The following NFATC2 variants were observed in gnomAD, a reference collection of about 807,000 sequenced individuals.
The protein encoded by NFATC2 is nuclear factor of activated T-cells, cytoplasmic 2.
In NFATC2, 22 loss-of-function variants were observed where a neutral mutation model predicts 87.3. The ratio of observed to expected loss-of-function variants is 0.25; its 90% CI spans 0.18 to 0.36. The LOEUF is 0.36. Among genes scored for constraint, NFATC2 ranks in the 10% least tolerant of loss-of-function variants. NFATC2 has a pLI of 1.00. For missense variants in NFATC2, 1,149 were observed against 1,259.1 expected (o/e 0.91, Z 1.32); for synonymous variants, 565 against 542.2 (o/e 1.04, Z -0.58).
intron 6 of NFATC2, among the ~76,000 whole-genome samples, chr20:51,440,590 T>A (rs1036897648): frequency 2.6e-5 from 4 of 152,186 alleles, no homozygotes; most frequent in African/African-American, 9.7e-5. Context: ...CTCAGAGGAA[T>A]AAGAAATCAA....
At chr20:51,483,745 T>A (rs370009343) in intron 3 of NFATC2, among the ~76,000 whole-genome samples, 6 of 151,902 alleles carry the variant, frequency 3.9e-5, no homozygotes, top group East Asian at 1.9e-4. Flanking sequence ...TCTTGGTAAC[T>A]CTCTCTGCCT....
chr20:51,409,021 A>G (rs1428435832), intron 9 of NFATC2, among the ~76,000 whole-genome samples: 2 of 152,238 alleles, frequency 1.3e-5, no homozygotes, highest in African/African-American at 4.8e-5. Flanking sequence ...TTTTCTGTTC[A>G]CCGAAAGACA....
intron 9 of NFATC2, among the ~76,000 whole-genome samples, chr20:51,402,171 T>C (rs942906969): frequency 9.2e-5 from 14 of 152,310 alleles, no homozygotes; most frequent in African/African-American, 3.4e-4. Context: ...GAGAAACAAT[T>C]GGTGACTTTC....
chr20:51,525,947 C>A (rs1366262120), intron 1 of NFATC2, among the ~76,000 whole-genome samples: 1 of 150,596 alleles, frequency 6.6e-6, no homozygotes, highest in African/African-American at 2.5e-5. Context: ...CCACTTCTCC[C>A]CAAGCTGAGT....
At chr20:51,477,580 T>TATATATAA (rs1491275592) in intron 3 of NFATC2, among the ~76,000 whole-genome samples, 15 of 69,956 alleles carry the variant, frequency 2.1e-4, no homozygotes, top group Admixed American at 4.9e-4. Context: ...TATATATATA[T>TATATATAA]AAAATAACAA....
At chr20:51,549,194 A>C (rs1169569131) in intron 1 of NFATC2, among the ~76,000 whole-genome samples, 2 of 152,230 alleles carry the variant, frequency 1.3e-5, no homozygotes, top group African/African-American at 2.4e-5. Context: ...AGAAAAAAAA[A>C]GAATATTATA....
At chr20:51,444,485 C>T (rs577255627) in intron 6 of NFATC2, among the ~76,000 whole-genome samples, 4 of 152,050 alleles carry the variant, frequency 2.6e-5, no homozygotes, top group South Asian at 4.1e-4. Flanking sequence ...TAGGGTTGGC[C>T]GTGGGTTGGG....
At chr20:51,506,975 G>A (rs1341317565) in intron 3 of NFATC2, among the ~76,000 whole-genome samples, 3 of 152,246 alleles carry the variant, frequency 2.0e-5, no homozygotes, top group Admixed American at 2.0e-4. Flanking sequence ...CAGGCACTGC[G>A]CTGAGCTGCC....
chr20:51,537,464 A>T (rs368399224), intron 1 of NFATC2, among the ~76,000 whole-genome samples: 1 of 152,210 alleles, frequency 6.6e-6, no homozygotes, highest in African/African-American at 2.4e-5. Flanking sequence ...TTCCTTTCTG[A>T]AAGGCCGAAG....
Position 51,416,643 on chromosome 20 carries a change from A to T in NFATC2, c.2722+15424T>A, listed in dbSNP as rs548747145. On this transcript the variant is annotated intron_variant, in intron 9 of 10. Coordinates refer to ENST00000371564, the MANE Select transcript of NFATC2 (RefSeq NM_012340.5). Reference sequence around the variant, plus strand: ...TGGACAGATAAAGATGAGGCTAAGAAGATGATGAAGCTGATAGCTGCTCTC... The same window carrying T: ...TGGACAGATAAAGATGAGGCTAAGATGATGATGAAGCTGATAGCTGCTCTC... Among the ~76,000 whole-genome samples, 7 of 152,332 alleles carry T rather than the reference A, an allele frequency of 4.6e-5. No homozygotes were observed. In the East Asian group the frequency reaches 1.2e-3, roughly 25 times the overall value.
At chr20:51,554,619 C>G (rs1047016867) in intron 1 of NFATC2, among the ~76,000 whole-genome samples, 1 of 152,182 alleles carries the variant, frequency 6.6e-6, no homozygotes, top group South Asian at 2.1e-4. Context: ...CCTTAAAGTA[C>G]CCCCATGTGT....
chr20:51,529,829 G>A (rs1018345806), intron 1 of NFATC2, among the ~76,000 whole-genome samples: 1 of 151,968 alleles, frequency 6.6e-6, no homozygotes, highest in Non-Finnish European at 1.5e-5. Context: ...TAAATAGAAG[G>A]TAGGGTAAAA....
chr20:51,532,961 T>C (rs1568738119), intron 1 of NFATC2, among the ~76,000 whole-genome samples: 1 of 152,174 alleles, frequency 6.6e-6, no homozygotes, highest in Non-Finnish European at 1.5e-5. Context: ...AGGGCTCCAC[T>C]GATCCCTGGC....
In NFATC2 at chr20:51,432,426, G is replaced by A. The variant is rs202224963; in HGVS notation, c.2363C>T (p.Ala788Val). The change falls in exon 9 of 11, where the codon GCC becomes GTC. Residue 788 changes from alanine (A) to valine (V), a missense_variant. By Grantham distance (64) the Ala-to-Val change is moderately conservative. Around this residue, in one of 3 missense-constraint regions of NFATC2, gnomAD observed 581 missense variants for 649.7 expected, o/e 0.89. Transcript: ENST00000371564. The surrounding 1 kb of genome is among the most constrained non-coding windows in gnomAD (Gnocchi z 4.6). ...GGCTGAGCTCTGGCCCTGGGAGCCG[G>A]CGTGCACCAGCACAGAGCGGTGAGC... Reference protein sequence around the residue: ...ADAHRSVLVHAGSQGQSSALL... With the variant: ...ADAHRSVLVHVGSQGQSSALL... The A allele has an allele frequency of 6.3e-7, 1 of 1,588,758 alleles. No homozygotes were observed. The highest frequency in any genetic ancestry group is 8.6e-7 in the Non-Finnish European group (1 of 1,165,924).
chr20:51,556,775 G>A lies in NFATC2; in HGVS notation c.70+5785C>T, dbSNP rs571167806. 3.3e-5 allele frequency among the ~76,000 whole-genome samples: 5 copies of A among 152,306 alleles called. No homozygotes were observed. The South Asian group carries it at 6.2e-4, about 19-fold the overall frequency. ...GGAAGCAGCAATTTTGCTGGAGCCC[G>A]GAGCCCCGGAGTGTCAGGGGAAAGA... is the stretch of plus-strand genomic sequence containing the variant. On this transcript the variant is annotated intron_variant, in intron 1 of 10. Transcript: ENST00000414705.
intron 3 of NFATC2, among the ~76,000 whole-genome samples, chr20:51,514,163 T>C (rs990883500): frequency 4.6e-5 from 7 of 152,216 alleles, no homozygotes; most frequent in African/African-American, 1.7e-4. Flanking sequence ...AAATGTAAGC[T>C]CATGATGGTG....
intron 5 of NFATC2, among the ~76,000 whole-genome samples, chr20:51,470,982 T>G (rs1202046608): frequency 6.6e-6 from 1 of 152,218 alleles, no homozygotes; most frequent in Non-Finnish European, 1.5e-5. Flanking sequence ...CTGGCTTTCC[T>G]ACCTACCAAG....
intron 5 of NFATC2, among the ~76,000 whole-genome samples, chr20:51,456,111 G>A (rs1986508349): frequency 6.9e-6 from 1 of 144,084 alleles, no homozygotes; most frequent in African/African-American, 2.6e-5. Context: ...TGGGTGGGTG[G>A]GTGGACAGAT....
intron 5 of NFATC2, among the ~76,000 whole-genome samples, chr20:51,457,634 C>CTAATCCAGCTGCCTGG (rs1986698768): frequency 6.6e-6 from 1 of 151,186 alleles, no homozygotes; most frequent in Non-Finnish European, 1.5e-5. Context: ...AAAGAGAAAA[C>CTAATCCAGCTGCCTGG]ACGCCTTTAG....
Sources: gnomAD v4.1 joint callset for allele counts (sites outside exome capture counted in the v4.1 genomes callset) on GRCh38, gnomAD v4.1.1 for gene constraint, gnomAD v4.1.1 regional missense constraint, Gnocchi (gnomAD v3.1) non-coding constraint, MANE v1.5 for transcripts, NCBI Gene and HGNC (gene_info 2026-07-23, HGNC 2026-07-21) for gene names.